Variants in LDB2 observed in about 807,000 individuals in gnomAD.
LDB2 encodes the protein LIM domain binding 2, also known as LIM domain-binding protein 2.
LDB2 carries 12 observed loss-of-function variants against 44.3 expected under a neutral mutation model. The observed-to-expected ratio is 0.27, with a 90% CI of 0.17 to 0.44. The LOEUF (loss-of-function observed/expected upper bound fraction) is 0.44. Ranked by LOEUF, LDB2 falls within the 20% of genes least tolerant of loss-of-function variation. The probability of loss-of-function intolerance (pLI) is 1.00; values close to 1 mark genes in which losing one functional copy is unlikely to be tolerated. For missense variants in LDB2, 344 were observed against 473.5 expected (o/e 0.73, Z 2.54); for synonymous variants, 164 against 174.8 (o/e 0.94, Z 0.49).
chr4:16,666,506 G>T (rs1024111106), intron 2 of LDB2, among the ~76,000 whole-genome samples: 3 of 152,192 alleles, frequency 2.0e-5, no homozygotes, highest in African/African-American at 7.2e-5. Context: ...GAATAAACAT[G>T]AGCTTCCTGC....
chr4:16,871,263 G>A (rs1232521219), intron 1 of LDB2, among the ~76,000 whole-genome samples: 1 of 152,162 alleles, frequency 6.6e-6, no homozygotes, highest in Non-Finnish European at 1.5e-5. Flanking sequence ...TTGAATATAT[G>A]TAGCTTCAAA....
At position 16,631,372 on chromosome 4, in the gene LDB2, T is replaced by A. The variant is rs183063792; in HGVS notation, c.236-35497A>T. ...TGAAATGAAGGCAGAAATAAAGATG[T>A]TCTTTGAAACCAGTGAGAACAAAGA... On this transcript the variant is annotated intron_variant, in intron 2 of 7. Coordinates refer to ENST00000304523, the MANE Select transcript of LDB2 (RefSeq NM_001290.5). Among the ~76,000 whole-genome samples, 15 of 152,298 alleles carry A rather than the reference T, an allele frequency of 9.8e-5. No homozygotes were observed. In the East Asian group the frequency reaches 2.7e-3, roughly 27 times the overall value.
At chr4:16,719,471 A>G (rs937034324) in intron 2 of LDB2, among the ~76,000 whole-genome samples, 3 of 152,086 alleles carry the variant, frequency 2.0e-5, no homozygotes, top group Admixed American at 1.3e-4. Flanking sequence ...GGCCTTCTGT[A>G]GCATCAAAAA....
At chr4:16,570,377 G>A (rs1205667483) in intron 5 of LDB2, among the ~76,000 whole-genome samples, 1 of 143,704 alleles carries the variant, frequency 7.0e-6, no homozygotes, top group Non-Finnish European at 1.5e-5. Flanking sequence ...GCAGGAGAAT[G>A]GTGTGAACCT....
chr4:16,737,439 T>C (rs1762117055), intron 2 of LDB2, among the ~76,000 whole-genome samples: 3 of 152,146 alleles, frequency 2.0e-5, no homozygotes, highest in Admixed American at 6.5e-5. Context: ...ATTTTTTCTT[T>C]TGTGAATTTA....
chr4:16,785,528 A>G (rs1368712006), intron 1 of LDB2, among the ~76,000 whole-genome samples: 3 of 152,218 alleles, frequency 2.0e-5, no homozygotes, highest in Non-Finnish European at 4.4e-5. Context: ...AGCATCGCCT[A>G]CCGTGGCTGC....
At chr4:16,712,072 T>A (rs1410939475) in intron 2 of LDB2, among the ~76,000 whole-genome samples, 1 of 152,046 alleles carries the variant, frequency 6.6e-6, no homozygotes, top group Admixed American at 6.5e-5. Context: ...TTGGACCTCA[T>A]CAAAATTTTA....
chr4:16,721,656 G>A (rs1282903970), intron 2 of LDB2, among the ~76,000 whole-genome samples: 1 of 152,144 alleles, frequency 6.6e-6, no homozygotes, highest in Non-Finnish European at 1.5e-5. Flanking sequence ...ATTGTGAAGT[G>A]TCAGCAGATG....
At chr4:16,844,954 A>G (rs1786663520) in intron 1 of LDB2, among the ~76,000 whole-genome samples, 2 of 152,298 alleles carry the variant, frequency 1.3e-5, no homozygotes, top group Middle Eastern at 3.4e-3. Context: ...GTCTCTGCTA[A>G]TGGTAGGTCA....
At chr4:16,823,535 C>T (rs1455524930) in intron 1 of LDB2, among the ~76,000 whole-genome samples, 1 of 152,072 alleles carries the variant, frequency 6.6e-6, no homozygotes, top group Non-Finnish European at 1.5e-5. Context: ...GCGAAAACAT[C>T]CAGATAGAAA....
rs367727906 is a variant in LDB2 at position 16,785,970 on chromosome 4, G to A, written c.133-26710C>T. 1.6e-4 allele frequency among the ~76,000 whole-genome samples: 25 copies of A among 152,116 alleles called. 1 individual carries two copies. The highest frequency in any genetic ancestry group is 4.6e-4 in the Admixed American group (7 of 15,270). ...CCAAAATGAATTATGCAGAAGATAC[G>A]ATGAGATGAGACTCTGCCTGCTGCT... is the stretch of plus-strand genomic sequence containing the variant. On this transcript the variant is annotated intron_variant, in intron 1 of 7. Coordinates refer to ENST00000304523, the MANE Select transcript of LDB2 (RefSeq NM_001290.5).
At chr4:16,863,748 C>T (rs1280062774) in intron 1 of LDB2, among the ~76,000 whole-genome samples, 1 of 147,572 alleles carries the variant, frequency 6.8e-6, no homozygotes, top group African/African-American at 2.5e-5. Context: ...GCAAGCTCTG[C>T]CTCCCGGGTT....
chr4:16,691,737 A>T (rs1750817585), intron 2 of LDB2, among the ~76,000 whole-genome samples: 1 of 152,156 alleles, frequency 6.6e-6, no homozygotes, highest in African/African-American at 2.4e-5. Context: ...CTAAATTCTG[A>T]TTCTACCATT....
intron 5 of LDB2, among the ~76,000 whole-genome samples, chr4:16,513,947 G>T (rs1328179891): frequency 6.6e-6 from 1 of 152,152 alleles, no homozygotes; most frequent in Non-Finnish European, 1.5e-5. Context: ...TGACCATAAA[G>T]AAATTCTGTG....
chr4:16,751,905 C>T (rs1294511652), intron 2 of LDB2, among the ~76,000 whole-genome samples: 1 of 152,186 alleles, frequency 6.6e-6, no homozygotes, highest in East Asian at 1.9e-4. Flanking sequence ...AATGGACACT[C>T]ATTAATCACA....
At chr4:16,823,651 A>G (rs1396756054) in intron 1 of LDB2, among the ~76,000 whole-genome samples, 1 of 152,224 alleles carries the variant, frequency 6.6e-6, no homozygotes. Context: ...GAGGTTCCAC[A>G]AAGCCATACC....
At chr4:16,854,662 G>A (rs956174293) in intron 1 of LDB2, among the ~76,000 whole-genome samples, 21 of 149,878 alleles carry the variant, frequency 1.4e-4, no homozygotes, top group South Asian at 2.1e-4. Context: ...TATACTTTAC[G>A]TCTATATATA....
chr4:16,867,816 G>A (rs540899899), intron 1 of LDB2, among the ~76,000 whole-genome samples: 8 of 152,138 alleles, frequency 5.3e-5, no homozygotes, highest in South Asian at 2.1e-4. Flanking sequence ...GAAAAATGTC[G>A]GGCATTCATA....
At chr4:16,617,468 T>C (rs1298948851) in intron 2 of LDB2, among the ~76,000 whole-genome samples, 1 of 152,132 alleles carries the variant, frequency 6.6e-6, no homozygotes, top group African/African-American at 2.4e-5. Context: ...TGAACAAATA[T>C]AAAATTAAGA....
Sources: allele counts gnomAD v4.1 joint callset (sites outside exome capture counted in the v4.1 genomes callset), GRCh38; gene constraint gnomAD v4.1.1; transcripts MANE v1.5; gene names NCBI Gene and HGNC (gene_info 2026-07-23, HGNC 2026-07-21).